OR10J1: variants seen among roughly 807,000 people sequenced by gnomAD.
OR10J1 encodes olfactory receptor 10J1.
For synonymous variants in OR10J1, 202 were observed against 143.8 expected (o/e 1.40, Z -2.89); for missense variants, 474 against 376.6 (o/e 1.26, Z -2.14).
chr1:159,404,859 T>C, the OR10J1 span, among the ~76,000 whole-genome samples: 1 of 152,198 alleles, frequency 6.6e-6, no homozygotes, highest in Non-Finnish European at 1.5e-5. Flanking sequence ...GCCTACTCTA[T>C]AGGGTTCATT....
chr1:159,413,579 T>C, the OR10J1 span, among the ~76,000 whole-genome samples: 1 of 151,402 alleles, frequency 6.6e-6, no homozygotes, highest in African/African-American at 2.4e-5. Flanking sequence ...CTCAGTAAGC[T>C]ATCACAAGAA....
chr1:159,436,345 T>G (rs1655736552), upstream of OR10J1, among the ~76,000 whole-genome samples: 1 of 152,210 alleles, frequency 6.6e-6, no homozygotes, highest in South Asian at 2.1e-4. Context: ...ATGAGAGCAG[T>G]TTATGAAATT....
chr1:159,416,428 G>A, the OR10J1 span, among the ~76,000 whole-genome samples: 6 of 150,254 alleles, frequency 4.0e-5, no homozygotes, highest in South Asian at 1.3e-3. Flanking sequence ...CATCTATTGA[G>A]ATGATCATAT....
At chr1:159,413,928 T>G in the OR10J1 span, among the ~76,000 whole-genome samples, 3 of 152,052 alleles carry the variant, frequency 2.0e-5, no homozygotes, top group African/African-American at 7.2e-5. Context: ...GTATGTATAG[T>G]TCACACTTAT....
At chr1:159,420,652 G>A in the OR10J1 span, among the ~76,000 whole-genome samples, 2 of 151,960 alleles carry the variant, frequency 1.3e-5, no homozygotes, top group East Asian at 1.9e-4. Flanking sequence ...CTTTATATAT[G>A]AAGGATAACT....
chr1:159,421,373 A>G, the OR10J1 span, among the ~76,000 whole-genome samples: 1 of 151,776 alleles, frequency 6.6e-6, no homozygotes, highest in Non-Finnish European at 1.5e-5. Flanking sequence ...CAATATTTTA[A>G]ATTCTTTTTT....
chr1:159,404,438 G>A, the OR10J1 span, among the ~76,000 whole-genome samples: 2,524 of 152,144 alleles, frequency 0.017, 39 homozygotes, highest in Non-Finnish European at 0.024. Context: ...TCTGCAGGTT[G>A]TGCAGTGCGC....
chr1:159,414,085 A>G, the OR10J1 span, among the ~76,000 whole-genome samples: 3,646 of 152,058 alleles, frequency 0.024, 161 homozygotes, highest in African/African-American at 0.078. Context: ...TATCATTTCT[A>G]TGTGTTGGAA....
At chr1:159,439,483 A>AGAG (rs1655838569), upstream of OR10J1, among the ~76,000 whole-genome samples, 1 of 152,186 alleles carries the variant, frequency 6.6e-6, no homozygotes, top group African/African-American at 2.4e-5. Context: ...AGAGGAGAAA[A>AGAG]GAGAAGCCAT....
Position 159,440,349 on chromosome 1 carries a change from C to G in OR10J1, c.558C>G (p.Leu186=). The change falls in exon 1 of 1, where the codon CTC becomes CTG. Residue 186 remains leucine (L), a synonymous_variant. Coordinates refer to ENST00000423932, the MANE Select transcript of OR10J1 (RefSeq NM_012351.3). ...GTGACATCCGCCCTGTGATGAAGCTCTCCTGCATTGACACCACTGTCAATG... is the reference window on the plus strand; with the variant it reads ...GTGACATCCGCCCTGTGATGAAGCTGTCCTGCATTGACACCACTGTCAATG... ...FFCDIRPVMK[L]SCIDTTVNEI... is the part of the protein sequence containing the mutation. 6.2e-7 allele frequency: 1 copy of G among 1,614,180 alleles called. No individual in the cohort carries two copies. The highest frequency in any genetic ancestry group is 1.1e-5 in the South Asian group (1 of 91,078).
chr1:159,404,961 G>A, the OR10J1 span, among the ~76,000 whole-genome samples: 3 of 152,058 alleles, frequency 2.0e-5, no homozygotes, highest in Non-Finnish European at 2.9e-5. Flanking sequence ...TGTGATAAAC[G>A]GTAATTCCCC....
chr1:159,436,669 T>A (rs552143654), upstream of OR10J1, among the ~76,000 whole-genome samples: 380 of 144,866 alleles, frequency 2.6e-3, 3 homozygotes, highest in South Asian at 0.013. Flanking sequence ...TTAGCGGTTT[T>A]AAAAAAAAAA....
the OR10J1 span, among the ~76,000 whole-genome samples, chr1:159,413,747 A>G: frequency 6.6e-6 from 1 of 151,410 alleles, no homozygotes; most frequent in East Asian, 1.9e-4. Context: ...CTAAATGATG[A>G]GTTAATGGGT....
At chr1:159,429,115 C>T in the OR10J1 span, among the ~76,000 whole-genome samples, 2 of 152,204 alleles carry the variant, frequency 1.3e-5, no homozygotes, top group Non-Finnish European at 2.9e-5. Flanking sequence ...ACAGAAATTA[C>T]TTCAGTAAAG....
chr1:159,415,263 A>G, the OR10J1 span, among the ~76,000 whole-genome samples: 3 of 151,998 alleles, frequency 2.0e-5, no homozygotes, highest in East Asian at 5.8e-4. Context: ...GAGAGATAGA[A>G]GCCCACTTTT....
the OR10J1 span, among the ~76,000 whole-genome samples, chr1:159,414,139 C>T: frequency 5.1e-4 from 77 of 152,134 alleles, no homozygotes; most frequent in African/African-American, 1.7e-3. Context: ...ATTTACAATA[C>T]GTTGTTACTA....
chr1:159,402,773 A>C, the OR10J1 span, among the ~76,000 whole-genome samples: 1 of 152,148 alleles, frequency 6.6e-6, no homozygotes, highest in Non-Finnish European at 1.5e-5. Flanking sequence ...TAAAATTTAT[A>C]TGGAATCACA....
At chr1:159,408,032 A>T in the OR10J1 span, among the ~76,000 whole-genome samples, 242 of 152,202 alleles carry the variant, frequency 1.6e-3, no homozygotes, top group Middle Eastern at 3.4e-3. Context: ...GTCAAAGAAT[A>T]CTATAAAGGA....
chr1:159,433,666 C>T (rs1216589607), upstream of OR10J1, among the ~76,000 whole-genome samples: 1 of 152,136 alleles, frequency 6.6e-6, no homozygotes, highest in African/African-American at 2.4e-5. Flanking sequence ...TTCCCCTGCC[C>T]CATCCTGCTT....
Sources: allele counts gnomAD v4.1 joint callset (sites outside exome capture counted in the v4.1 genomes callset), GRCh38; gene constraint gnomAD v4.1.1; transcripts MANE v1.5; gene names NCBI Gene and HGNC (gene_info 2026-07-23, HGNC 2026-07-21).